The following FAM83F variants were observed in gnomAD, a reference collection of about 807,000 sequenced individuals.
The protein encoded by FAM83F is scaffolding CK1 anchoring protein F.
A neutral mutation model predicts 42.9 loss-of-function variants in FAM83F; 45 were observed. The ratio of observed to expected loss-of-function variants is 1.05; its 90% CI spans 0.83 to 1.35. The LOEUF is 1.35. FAM83F is among the 40% of genes most tolerant of loss of function. FAM83F has a pLI of 0.00. For synonymous variants in FAM83F, 306 were observed against 298.3 expected, an observed-to-expected ratio of 1.03 and a Z score of -0.27; for missense variants, 617 against 695.9, an observed-to-expected ratio of 0.89 and a Z score of 1.28.
At position 40,035,451 on chromosome 22, in the gene FAM83F, G is replaced by T. The variant is rs1419486259; in HGVS notation, c.*5886G>T. On this transcript the variant is annotated 3_prime_UTR_variant, in exon 5 of 5. Transcript: ENST00000333407. ...CTCTCTGCCTCATCTCTTCCTGGAAGTGTCTTGGAAGTTAGGCGACTGCAC... is the reference window on the plus strand; with the variant it reads ...CTCTCTGCCTCATCTCTTCCTGGAATTGTCTTGGAAGTTAGGCGACTGCAC... 3.3e-5 allele frequency: 5 copies of T among 152,230 alleles called. No individual in the cohort carries two copies. The highest frequency in any genetic ancestry group is 2.0e-4 in the Admixed American group (3 of 15,288). The allele number at this position is 152,230 out of a possible 1,614,324, so 9.4% of individuals were successfully genotyped here. A position where few individuals can be genotyped will look rare whatever the true frequency, so the allele number is the denominator to read the frequency against.
chr22:39,997,494 A>G (rs1337877325), intron 1 of FAM83F, among the ~76,000 whole-genome samples: 1 of 152,250 alleles, frequency 6.6e-6, no homozygotes, highest in African/African-American at 2.4e-5. Context: ...CTACCTAGCC[A>G]TGAAGAAGAT....
chr22:39,996,147 G>C (rs1354920065), intron 1 of FAM83F, among the ~76,000 whole-genome samples: 2 of 152,166 alleles, frequency 1.3e-5, no homozygotes, highest in Non-Finnish European at 2.9e-5. Context: ...CCCTGTGCTG[G>C]GCGCCTTGGC....
chr22:40,012,314 T>C (rs369068772), intron 1 of FAM83F, among the ~76,000 whole-genome samples: 1 of 152,084 alleles, frequency 6.6e-6, no homozygotes. Flanking sequence ...TTTGTATTTT[T>C]AGTAGAGATG....
In FAM83F at chr22:40,041,739, C is replaced by G. The variant is rs2067651151; in HGVS notation, c.*12174C>G. On this transcript the variant is annotated 3_prime_UTR_variant, in exon 5 of 5. Transcript: ENST00000333407. Reference sequence around the variant, plus strand: ...TTTGTGGGTCTGTTCATAAAAGAGTCTGGGAAGATAGTCTCCTTAACAGTG... The same window carrying G: ...TTTGTGGGTCTGTTCATAAAAGAGTGTGGGAAGATAGTCTCCTTAACAGTG... 6.6e-6 allele frequency: 1 copy of G among 152,178 alleles called. No individual in the cohort carries two copies. Among genetic ancestry groups the G allele is most frequent in the South Asian group, 2.1e-4 (1 of 4,836 alleles). The allele number at this position is 152,178 out of a possible 1,614,324, so 9.4% of individuals were successfully genotyped here. A position where few individuals can be genotyped will look rare whatever the true frequency, so the allele number is the denominator to read the frequency against.
chr22:40,022,538 G>T (rs528761688), intron 4 of FAM83F, among the ~76,000 whole-genome samples: 15 of 152,244 alleles, frequency 9.9e-5, no homozygotes, highest in African/African-American at 3.6e-4. Flanking sequence ...AGTCCGACTT[G>T]GTTTCTCCAC....
rs143112507 is a variant in FAM83F, at chr22:40,014,446, G to A, written c.490-4722G>A. On this transcript the variant is annotated intron_variant, in intron 1 of 4. Coordinates refer to ENST00000333407, the MANE Select transcript of FAM83F (RefSeq NM_138435.4). ...CCCCATAAATGTTTTAAATTAAAAT[G>A]ATACCATTTCTGATGCTGAGTCACC... Among the ~76,000 whole-genome samples the A allele has an allele frequency of 1.4e-3, 206 of 152,178 alleles. 4 individuals are homozygous for A. The highest frequency in any genetic ancestry group is 4.7e-3 in the African/African-American group (195 of 41,528).
At chr22:40,008,418 C>T (rs1009580844) in intron 1 of FAM83F, among the ~76,000 whole-genome samples, 6 of 152,178 alleles carry the variant, frequency 3.9e-5, no homozygotes, top group Non-Finnish European at 5.9e-5. Context: ...GGACAAGTAC[C>T]GCGCTGTTGC....
rs918973531 is a variant in FAM83F, at chr22:40,036,732, C to G, written c.*7167C>G. 6.6e-6 allele frequency: 1 copy of G among 152,270 alleles called. No homozygotes were observed. The highest frequency in any genetic ancestry group is 2.4e-5 in the African/African-American group (1 of 41,440). The allele number at this position is 152,270 out of a possible 1,614,324, so 9.4% of individuals were successfully genotyped here. ...TGGGACGGGGTCTAGGGGCCACAGT[C>G]CTGGTCCTGCGCAGGTGGCCCTGGA... On this transcript the variant is annotated 3_prime_UTR_variant, in exon 5 of 5. Coordinates refer to ENST00000333407, the MANE Select transcript of FAM83F (RefSeq NM_138435.4).
In FAM83F at chr22:40,031,118, G is replaced by C. The variant is rs1215702925; in HGVS notation, c.*1553G>C. 6.6e-6 allele frequency: 1 copy of C among 152,256 alleles called. No homozygotes were observed. The highest frequency in any genetic ancestry group is 1.5e-5 in the Non-Finnish European group (1 of 68,132). The allele number at this position is 152,256 out of a possible 1,614,324, so 9.4% of individuals were successfully genotyped here. A position where few individuals can be genotyped will look rare whatever the true frequency, so the allele number is the denominator to read the frequency against. On this transcript the variant is annotated 3_prime_UTR_variant, in exon 5 of 5. Coordinates refer to ENST00000333407, the MANE Select transcript of FAM83F (RefSeq NM_138435.4). ...GTTAATCCCAAGGCTGGCTTCTAGGGCGTGTGGAGAAGGGACTCTGGCCCA... is the reference window on the plus strand; with the variant it reads ...GTTAATCCCAAGGCTGGCTTCTAGGCCGTGTGGAGAAGGGACTCTGGCCCA...
chr22:40,015,648 T>G (rs1455848995), intron 1 of FAM83F, among the ~76,000 whole-genome samples: 3 of 152,146 alleles, frequency 2.0e-5, no homozygotes, highest in Admixed American at 6.5e-5. Context: ...CCCTGCTCAA[T>G]TTTTCTCCTG....
intron 3 of FAM83F, among the ~76,000 whole-genome samples, chr22:40,020,273 T>G (rs765497008): frequency 2.6e-5 from 4 of 151,818 alleles, no homozygotes; most frequent in Non-Finnish European, 4.4e-5. Flanking sequence ...TTGAGGCTAG[T>G]CATTAGGTAG....
chr22:40,002,390 G>C (rs538947303), intron 1 of FAM83F, among the ~76,000 whole-genome samples: 1 of 152,322 alleles, frequency 6.6e-6, no homozygotes, highest in Non-Finnish European at 1.5e-5. Context: ...GGGAGAGTTG[G>C]CTCCTCTGAA....
intron 2 of FAM83F, 75 bp downstream of exon 2, chr22:40,019,410 C>T: frequency 2.8e-6 from 4 of 1,406,422 alleles, no homozygotes; most frequent in East Asian, 4.6e-5. Flanking sequence ...CTGCAGCTCC[C>T]CCCTGCCTCT....
intron 4 of FAM83F, among the ~76,000 whole-genome samples, chr22:40,027,818 G>A (rs965485344): frequency 5.3e-5 from 8 of 152,188 alleles, no homozygotes; most frequent in Non-Finnish European, 1.0e-4. Flanking sequence ...GCAGCCAGCC[G>A]GGTGGTGTGC....
At chr22:40,006,422 C>G (rs2067429286) in intron 1 of FAM83F, among the ~76,000 whole-genome samples, 1 of 152,182 alleles carries the variant, frequency 6.6e-6, no homozygotes, top group African/African-American at 2.4e-5. Context: ...GAGACACCCT[C>G]ATGTGCCTAG....
intron 1 of FAM83F, among the ~76,000 whole-genome samples, chr22:40,001,499 TGTG>T (rs1181726967): frequency 6.6e-6 from 1 of 151,946 alleles, no homozygotes; most frequent in South Asian, 2.1e-4. Flanking sequence ...ATTAGCCAGA[TGTG>T]GTGGTGTCTA....
Position 40,029,752 on chromosome 22 carries a change from A to T in FAM83F, c.*187A>T, listed in dbSNP as rs2067576217. ...AGAGGGTCCGAAGCATCTCAGTCAC[A>T]CGCCTCCACCGGACTGTCGGTGGCT... is the stretch of plus-strand genomic sequence containing the variant. On this transcript the variant is annotated 3_prime_UTR_variant, in exon 5 of 5. Transcript: ENST00000333407. 3.2e-5 allele frequency: 25 copies of T among 793,464 alleles called. No individual in the cohort carries two copies. In the South Asian group the frequency reaches 4.5e-4, roughly 14 times the overall value. 49.2% of individuals were successfully genotyped at this position (793,464 alleles called of 1,614,324 possible). A position where few individuals can be genotyped will look rare whatever the true frequency, so the allele number is the denominator to read the frequency against.
chr22:39,995,294 G>T lies in FAM83F; in HGVS notation c.252G>T (p.Arg84=). The T allele has an allele frequency of 2.6e-6, 4 of 1,536,970 alleles. No homozygotes were observed. Among genetic ancestry groups the T allele is most frequent in the Non-Finnish European group, 3.5e-6 (4 of 1,145,826 alleles). ...ACGCCGTCCCCGCCGCCAACGCCCG[G>T]GGCAAGAGCAAGGCCAAGGCCAAGG... ...YEDAVPAANA[R]GKSKAKAKAP... The change falls in exon 1 of 5, where the codon CGG becomes CGT. Residue 84 remains arginine (R), a synonymous_variant. Coordinates refer to ENST00000333407, the MANE Select transcript of FAM83F (RefSeq NM_138435.4). This position sits in a 1 kb window ranked among gnomAD's most constrained non-coding sequence, Gnocchi z 4.6.
chr22:40,026,177 T>C (rs2067551218), intron 4 of FAM83F, among the ~76,000 whole-genome samples: 2 of 152,170 alleles, frequency 1.3e-5, no homozygotes. Flanking sequence ...TCTGCAGATA[T>C]CATGGCCATC....
Sources: allele counts gnomAD v4.1 joint callset (sites outside exome capture counted in the v4.1 genomes callset), GRCh38; gene constraint gnomAD v4.1.1; non-coding constraint Gnocchi (gnomAD v3.1); transcripts MANE v1.5; gene names NCBI Gene and HGNC (gene_info 2026-07-23, HGNC 2026-07-21).